Variants in ADGRB3 observed in about 807,000 individuals in gnomAD.
ADGRB3 encodes the protein adhesion G protein-coupled receptor B3.
In ADGRB3, 37 loss-of-function variants were observed where a neutral mutation model predicts 193.4. That is an observed-to-expected ratio of 0.19 (90% CI 0.15 to 0.25). The LOEUF is 0.25. Among genes scored for constraint, ADGRB3 ranks in the 10% least tolerant of loss-of-function variants. The pLI, the probability that ADGRB3 is intolerant of heterozygous loss-of-function variation, is 1.00. For synonymous variants in ADGRB3, 690 were observed against 644.2 expected (o/e 1.07, Z -1.08); for missense variants, 1,637 against 1,852.9 (o/e 0.88, Z 2.14).
intron 17 of ADGRB3, among the ~76,000 whole-genome samples, chr6:69,144,168 G>C (rs1269497926): frequency 1.3e-5 from 2 of 152,034 alleles, no homozygotes; most frequent in South Asian, 4.1e-4. Context: ...GCTATTGTAA[G>C]TGAAATTACT....
chr6:68,876,574 T>C (rs1338896831), intron 3 of ADGRB3, among the ~76,000 whole-genome samples: 1 of 152,222 alleles, frequency 6.6e-6, no homozygotes, highest in Non-Finnish European at 1.5e-5. Context: ...GGAAATCAGC[T>C]CTAGTCTATT....
chr6:69,098,718 G>A (rs562457288), intron 17 of ADGRB3, among the ~76,000 whole-genome samples: 2 of 152,022 alleles, frequency 1.3e-5, no homozygotes, highest in South Asian at 2.1e-4. Context: ...AAACCAAACC[G>A]TATCAATAAA....
At chr6:69,275,422 A>T (rs893053621) in intron 20 of ADGRB3, among the ~76,000 whole-genome samples, 1 of 152,152 alleles carries the variant, frequency 6.6e-6, no homozygotes. Flanking sequence ...AGCAACTGTG[A>T]TTCCTCATTG....
intron 3 of ADGRB3, among the ~76,000 whole-genome samples, chr6:68,835,468 T>A (rs1425914196): frequency 6.6e-6 from 1 of 152,140 alleles, no homozygotes; most frequent in Non-Finnish European, 1.5e-5. Context: ...TAGAAAAAAA[T>A]TTATCCTAAA....
chr6:69,224,944 T>C (rs1384149252), intron 17 of ADGRB3, among the ~76,000 whole-genome samples: 1 of 152,114 alleles, frequency 6.6e-6, no homozygotes, highest in Non-Finnish European at 1.5e-5. Flanking sequence ...TTTCCTTCCT[T>C]TTAATATTAA....
chr6:68,781,056 A>G (rs1051609900), intron 3 of ADGRB3, among the ~76,000 whole-genome samples: 1 of 152,170 alleles, frequency 6.6e-6, no homozygotes, highest in Non-Finnish European at 1.5e-5. Flanking sequence ...TTTATCCTCA[A>G]GTTGATAATA....
intron 3 of ADGRB3, among the ~76,000 whole-genome samples, chr6:68,767,613 C>G (rs982707156): frequency 1.2e-4 from 18 of 152,110 alleles, no homozygotes; most frequent in African/African-American, 3.6e-4. Context: ...TGGAAGCATT[C>G]CCTTTGAAAA....
intron 17 of ADGRB3, among the ~76,000 whole-genome samples, chr6:69,211,126 GA>G (rs773617503): frequency 6.6e-6 from 1 of 151,514 alleles, no homozygotes; most frequent in African/African-American, 2.4e-5. Context: ...CGTCTCAAAA[GA>G]AAAAAAAGAA....
chr6:68,762,333 AAAT>A (rs1458747853), intron 3 of ADGRB3, among the ~76,000 whole-genome samples: 2 of 152,160 alleles, frequency 1.3e-5, no homozygotes, highest in Admixed American at 1.3e-4. Flanking sequence ...TAACAGGTGA[AAAT>A]AACTTATATA....
At chr6:68,719,050 T>C (rs1467663802) in intron 3 of ADGRB3, among the ~76,000 whole-genome samples, 2 of 151,950 alleles carry the variant, frequency 1.3e-5, no homozygotes, top group East Asian at 1.9e-4. Context: ...TAGCACTTAA[T>C]AGAATGTTTT....
intron 10 of ADGRB3, among the ~76,000 whole-genome samples, chr6:68,990,150 A>G (rs1017151558): frequency 6.6e-6 from 1 of 152,122 alleles, no homozygotes; most frequent in Non-Finnish European, 1.5e-5. Flanking sequence ...AGGGAAAACA[A>G]TCTAGCAGAT....
intron 3 of ADGRB3, among the ~76,000 whole-genome samples, chr6:68,869,681 TAA>T (rs1179152202): frequency 1.3e-5 from 2 of 151,240 alleles, no homozygotes; most frequent in Non-Finnish European, 1.5e-5. Flanking sequence ...TATGAAAAAT[TAA>T]AAGTGTTATT....
chr6:68,789,413 A>T (rs1212298532), intron 3 of ADGRB3, among the ~76,000 whole-genome samples: 1 of 152,126 alleles, frequency 6.6e-6, no homozygotes, highest in African/African-American at 2.4e-5. Flanking sequence ...TTCACTTATG[A>T]AGCTTAGTTT....
chr6:68,776,714 A>G (rs1052499861), intron 3 of ADGRB3, among the ~76,000 whole-genome samples: 2 of 152,174 alleles, frequency 1.3e-5, no homozygotes, highest in African/African-American at 4.8e-5. Flanking sequence ...TGAATAATGG[A>G]AAGTAAACAA....
intron 17 of ADGRB3, among the ~76,000 whole-genome samples, chr6:69,198,351 CA>C (rs1399789154): frequency 6.6e-5 from 10 of 151,992 alleles, no homozygotes; most frequent in African/African-American, 2.2e-4. Flanking sequence ...ATAAAGCCCC[CA>C]CTCTCACGAT....
At chr6:69,233,266 C>T in intron 17 of ADGRB3, 24 bp from the exon 18 acceptor site, 2 of 1,610,576 alleles carry the variant, frequency 1.2e-6, no homozygotes, top group Non-Finnish European at 1.7e-6. Flanking sequence ...TCCCGATTTC[C>T]TCCCCCCTCA....
intron 17 of ADGRB3, among the ~76,000 whole-genome samples, chr6:69,177,876 T>A (rs1775470488): frequency 6.6e-6 from 1 of 152,222 alleles, no homozygotes; most frequent in African/African-American, 2.4e-5. Flanking sequence ...AATCTTGGAA[T>A]ATGGTCCATG....
At chr6:68,917,314 T>C (rs1766908927) in intron 3 of ADGRB3, among the ~76,000 whole-genome samples, 1 of 152,198 alleles carries the variant, frequency 6.6e-6, no homozygotes, top group South Asian at 2.1e-4. Context: ...GGTAGGTACC[T>C]CGTGTGGCCA....
intron 3 of ADGRB3, among the ~76,000 whole-genome samples, chr6:68,691,508 C>A (rs1412101682): frequency 6.6e-6 from 1 of 151,926 alleles, no homozygotes. Flanking sequence ...TCAGTTGAAT[C>A]CTCTGATTGA....
Sources: gnomAD v4.1 joint callset for allele counts (sites outside exome capture counted in the v4.1 genomes callset) on GRCh38, gnomAD v4.1.1 for gene constraint, MANE v1.5 for transcripts, NCBI Gene and HGNC (gene_info 2026-07-23, HGNC 2026-07-21) for gene names.